Variants in XKR3 observed in about 807,000 individuals in gnomAD.
The protein encoded by XKR3 is XK related 3.
XKR3 carries 27 observed loss-of-function variants against 40.3 expected under a neutral mutation model. The ratio of observed to expected loss-of-function variants is 0.67; its 90% CI spans 0.49 to 0.92. XKR3 has a LOEUF of 0.92. Among genes scored for constraint, XKR3 ranks in the 40% least tolerant of loss-of-function variants. The pLI is 0.00. For missense variants in XKR3, 472 were observed against 537.6 expected (o/e 0.88, Z 1.21); for synonymous variants, 193 against 195.4 (o/e 0.99, Z 0.10).
chr22:16,809,099 A>C (rs2060202589), intron 1 of XKR3, among the ~76,000 whole-genome samples: 1 of 152,188 alleles, frequency 6.6e-6, no homozygotes, highest in Non-Finnish European at 1.5e-5. Flanking sequence ...TTTATTTGAC[A>C]AGTTGTTCAT....
rs574684041 is a variant in XKR3 at position 16,822,823 on chromosome 22, C to T, written c.-11+2468G>A. On this transcript the variant is annotated intron_variant, in intron 1 of 3. Transcript: ENST00000684488. The stretch of plus-strand genomic sequence containing the variant: ...AACTATAAAATAAATGTCCACATTG[C>T]TAACAAGCATATTAACTAGCTTATT... Among the ~76,000 whole-genome samples the T allele has an allele frequency of 2.0e-4, 31 of 152,282 alleles. No individual in the cohort carries two copies. In the South Asian group the frequency reaches 6.0e-3, roughly 30 times the overall value.
chr22:16,801,518 C>T (rs557250310), intron 2 of XKR3, among the ~76,000 whole-genome samples: 1 of 152,222 alleles, frequency 6.6e-6, no homozygotes, highest in South Asian at 2.1e-4. Context: ...CTCCAACCTG[C>T]ACAACACGGC....
chr22:16,783,802 A>G lies in XKR3; in HGVS notation c.1197T>C (p.Tyr399=). Residue 399 remains tyrosine, a synonymous_variant, in exon 4 of 4, where the codon TAT becomes TAC. Coordinates refer to ENST00000684488, the MANE Select transcript of XKR3 (RefSeq NM_001386955.1). ...CTTTGCCTGACTGCCATGGGTACAA[A>G]TACTGATAGAAGAGGAGCATAAAGC... ...ATGFMLLFYQ[Y]LYPWQSGKVL... is the part of the protein sequence containing the mutation. 1 of 1,614,200 alleles carries G rather than the reference A, an allele frequency of 6.2e-7. No homozygotes were observed. Among genetic ancestry groups the G allele is most frequent in the South Asian group, 1.1e-5 (1 of 91,088 alleles).
chr22:16,820,525 A>C (rs952722319), intron 1 of XKR3, among the ~76,000 whole-genome samples: 8 of 152,110 alleles, frequency 5.3e-5, no homozygotes, highest in African/African-American at 1.7e-4. Flanking sequence ...CAGCTTCTCA[A>C]CTGGTCTCTG....
intron 1 of XKR3, among the ~76,000 whole-genome samples, chr22:16,812,884 C>A (rs562389871): frequency 9.2e-5 from 14 of 152,272 alleles, no homozygotes; most frequent in African/African-American, 3.4e-4. Flanking sequence ...TTGCCTATTA[C>A]AGACACTTAA....
At chr22:16,790,489 G>T (rs2146143626) in intron 3 of XKR3, among the ~76,000 whole-genome samples, 1 of 152,108 alleles carries the variant, frequency 6.6e-6, no homozygotes, top group South Asian at 2.1e-4. Context: ...CTTATAACTG[G>T]GAACTAAATT....
chr22:16,789,124 T>C (rs1000107407), intron 3 of XKR3, among the ~76,000 whole-genome samples: 6 of 152,148 alleles, frequency 3.9e-5, no homozygotes, highest in Admixed American at 1.3e-4. Flanking sequence ...ACTAAGAAGT[T>C]CACTTTAACT....
chr22:16,790,627 A>T (rs2060111561), intron 3 of XKR3, among the ~76,000 whole-genome samples: 1 of 152,230 alleles, frequency 6.6e-6, no homozygotes, highest in South Asian at 2.1e-4. Flanking sequence ...TGGGTGATGA[A>T]ATAATTTGTA....
chr22:16,819,334 G>A (rs2060246568), intron 1 of XKR3, among the ~76,000 whole-genome samples: 1 of 152,050 alleles, frequency 6.6e-6, no homozygotes. Context: ...ATAATGGGAG[G>A]AATCTGTCAA....
intron 2 of XKR3, among the ~76,000 whole-genome samples, chr22:16,805,149 C>G (rs768421899): frequency 1.3e-5 from 2 of 152,096 alleles, no homozygotes; most frequent in African/African-American, 2.4e-5. Context: ...GAAACTACCT[C>G]TATTCAAGAT....
chr22:16,787,001 A>G (rs2060093272), intron 3 of XKR3, among the ~76,000 whole-genome samples: 1 of 152,178 alleles, frequency 6.6e-6, no homozygotes, highest in South Asian at 2.1e-4. Context: ...GGACTTAAGG[A>G]AAACACAAAC....
intron 1 of XKR3, among the ~76,000 whole-genome samples, chr22:16,816,647 T>C (rs946344675): frequency 6.6e-6 from 1 of 152,012 alleles, no homozygotes; most frequent in African/African-American, 2.4e-5. Context: ...ATTTGCTTAA[T>C]CTTTGTGAGT....
intron 3 of XKR3, among the ~76,000 whole-genome samples, chr22:16,788,343 G>T (rs1300703943): frequency 1.1e-4 from 17 of 151,954 alleles, no homozygotes; most frequent in African/African-American, 3.1e-4. Flanking sequence ...AAGAAGATAC[G>T]AAATACACCA....
intron 3 of XKR3, among the ~76,000 whole-genome samples, chr22:16,790,159 G>T (rs1354619851): frequency 1.3e-5 from 2 of 151,454 alleles, no homozygotes; most frequent in Admixed American, 1.3e-4. Flanking sequence ...TTTTAAAAAC[G>T]TTTAAAAATA....
intron 3 of XKR3, among the ~76,000 whole-genome samples, chr22:16,796,748 C>T (rs1254156557): frequency 2.0e-5 from 3 of 152,116 alleles, no homozygotes; most frequent in Non-Finnish European, 4.4e-5. Flanking sequence ...GGCAGAAGCG[C>T]AAATTATTTA....
chr22:16,790,531 A>G (rs1415909033), intron 3 of XKR3, among the ~76,000 whole-genome samples: 1 of 152,118 alleles, frequency 6.6e-6, no homozygotes, highest in Non-Finnish European at 1.5e-5. Context: ...GAGGGAAACA[A>G]CACGCACTGT....
chr22:16,803,393 A>C (rs2060177287), intron 2 of XKR3, among the ~76,000 whole-genome samples: 1 of 152,184 alleles, frequency 6.6e-6, no homozygotes, highest in South Asian at 2.1e-4. Context: ...CACAACAAGA[A>C]GAGATTTGTC....
intron 1 of XKR3, among the ~76,000 whole-genome samples, chr22:16,810,300 C>T (rs1214190571): frequency 6.6e-6 from 1 of 152,200 alleles, no homozygotes; most frequent in East Asian, 1.9e-4. Context: ...AAACAACTTT[C>T]CCCATATGTT....
chr22:16,805,658 CTTAA>C (rs1486114111), intron 2 of XKR3, among the ~76,000 whole-genome samples: 2 of 152,092 alleles, frequency 1.3e-5, no homozygotes, highest in African/African-American at 2.4e-5. Flanking sequence ...ATATTATCAA[CTTAA>C]TTAATTTGTT....
Sources: gnomAD v4.1 joint callset for allele counts (sites outside exome capture counted in the v4.1 genomes callset) on GRCh38, gnomAD v4.1.1 for gene constraint, MANE v1.5 for transcripts, NCBI Gene and HGNC (gene_info 2026-07-23, HGNC 2026-07-21) for gene names.